CADPS: variants seen among roughly 807,000 people sequenced by gnomAD.
CADPS encodes calcium dependent secretion activator.
CADPS carries 57 observed loss-of-function variants against 167.3 expected under a neutral mutation model. The ratio of observed to expected loss-of-function variants is 0.34; its 90% CI spans 0.28 to 0.42. CADPS has a LOEUF of 0.42. CADPS is among the 20% of genes least tolerant of loss of function. The pLI is 1.00. For synonymous variants in CADPS, 676 were observed against 635.3 expected, an observed-to-expected ratio of 1.06 and a Z score of -0.96; for missense variants, 1,414 against 1,738.1, an observed-to-expected ratio of 0.81 and a Z score of 3.32.
intron 3 of CADPS, among the ~76,000 whole-genome samples, chr3:62,736,921 G>T (rs1055250524): frequency 2.0e-5 from 3 of 151,894 alleles, no homozygotes; most frequent in African/African-American, 7.3e-5. Context: ...GGTTAATTGC[G>T]AGGTTAGGAG....
chr3:62,586,710 T>C (rs2084721156), intron 7 of CADPS, among the ~76,000 whole-genome samples: 1 of 152,214 alleles, frequency 6.6e-6, no homozygotes, highest in Non-Finnish European at 1.5e-5. Context: ...GAACAGAGGC[T>C]GTCAATGTTT....
Position 62,650,874 on chromosome 3 carries a change from T to C in CADPS, c.1176A>G (p.Ser392=). The C allele has an allele frequency of 6.2e-7, 1 of 1,613,970 alleles. No individual in the cohort carries two copies. The highest frequency in any genetic ancestry group is 1.7e-4 in the Middle Eastern group (1 of 6,060). ...GEESENQLSK[S]DVVLSFSLEV... ...CCAATGAGAAAGACAGCACGACATC[T>C]GACTTGGAGAGCTGGTTCTCACTCT... The change falls in exon 5 of 30, where the codon TCA becomes TCG. Residue 392 remains serine, a synonymous_variant. Coordinates refer to ENST00000383710, the MANE Select transcript of CADPS (RefSeq NM_003716.4).
rs2065267880 is a variant in CADPS, at chr3:62,499,016, G to C, written c.2706+146C>G. 9 of 538,152 alleles carry C rather than the reference G, an allele frequency of 1.7e-5. No homozygotes were observed. The South Asian group carries it at 2.8e-4, about 16-fold the overall frequency. The allele number at this position is 538,152 out of a possible 1,614,324, so 33.3% of individuals were successfully genotyped here. On this transcript the variant is annotated intron_variant, in intron 18 of 29. Transcript: ENST00000383710. Reference sequence around the variant, plus strand: ...TAAAATAACCTTCCAAAGACTTCTTGCAAAACTTCCACTTTCATTCCCTTT... The same window carrying C: ...TAAAATAACCTTCCAAAGACTTCTTCCAAAACTTCCACTTTCATTCCCTTT...
At chr3:62,688,947 A>G (rs965875271) in intron 3 of CADPS, among the ~76,000 whole-genome samples, 3 of 152,036 alleles carry the variant, frequency 2.0e-5, no homozygotes, top group Non-Finnish European at 2.9e-5. Flanking sequence ...GTTGACATTG[A>G]CAGCAATTTT....
rs2069924214 is a variant in CADPS, at chr3:62,650,835, A to G, written c.1203+12T>C. The G allele has an allele frequency of 6.2e-7, 1 of 1,607,506 alleles. No homozygotes were observed. The highest frequency in any genetic ancestry group is 8.5e-7 in the Non-Finnish European group (1 of 1,174,230). On this transcript the variant is annotated intron_variant, in intron 5 of 29. Transcript: ENST00000383710. ...TGTGCCAAGAAACTTTCAAGGGCTCAGGGCTTTTTACCTCCAATGAGAAAG... is the reference window on the plus strand; with the variant it reads ...TGTGCCAAGAAACTTTCAAGGGCTCGGGGCTTTTTACCTCCAATGAGAAAG...
rs1383043582 is a variant in CADPS at position 62,662,358 on chromosome 3, G to T, written c.925C>A (p.Arg309=). The change falls in exon 4 of 30, where the codon CGA becomes AGA. Residue 309 remains arginine (R), a synonymous_variant. Coordinates refer to ENST00000383710, the MANE Select transcript of CADPS (RefSeq NM_003716.4). ...ATTTGTAGACGTCCATCCAGCTCTCGTCTGATCTGGGCTGCTTGCTCATCT... is the reference window on the plus strand; with the variant it reads ...ATTTGTAGACGTCCATCCAGCTCTCTTCTGATCTGGGCTGCTTGCTCATCT... ...NPDEQAAQIR[R]ELDGRLQMAD... 1 of 1,613,816 alleles carries T rather than the reference G, an allele frequency of 6.2e-7. No individual in the cohort carries two copies. The highest frequency in any genetic ancestry group is 8.5e-7 in the Non-Finnish European group (1 of 1,179,906).
In CADPS at chr3:62,787,719, A is replaced by G. The variant is rs955659418; in HGVS notation, c.442-21735T>C. On this transcript the variant is annotated intron_variant, in intron 1 of 29. Coordinates refer to ENST00000383710, the MANE Select transcript of CADPS (RefSeq NM_003716.4). ...CTGCTTAAGTTTGAATTTTGAATCT[A>G]TTGTGAACTTTGGACAATAGCTTGG... is the stretch of plus-strand genomic sequence containing the variant. Among the ~76,000 whole-genome samples the G allele has an allele frequency of 2.6e-5, 4 of 152,178 alleles. No homozygotes were observed. In the South Asian group the frequency reaches 6.2e-4, roughly 24 times the overall value.
intron 26 of CADPS, among the ~76,000 whole-genome samples, chr3:62,463,655 C>T (rs1036144741): frequency 2.0e-5 from 3 of 152,220 alleles, no homozygotes; most frequent in African/African-American, 7.2e-5. Flanking sequence ...CCCCACTCTG[C>T]CCATTGCTGT....
intron 23 of CADPS, among the ~76,000 whole-genome samples, chr3:62,475,466 G>C (rs1387095440): frequency 6.6e-6 from 1 of 151,596 alleles, no homozygotes; most frequent in Non-Finnish European, 1.5e-5. Context: ...TTTTCTAACA[G>C]TGCATAGGAG....
chr3:62,817,810 G>T (rs995699937), intron 1 of CADPS, among the ~76,000 whole-genome samples: 4 of 152,134 alleles, frequency 2.6e-5, no homozygotes, highest in Admixed American at 1.3e-4. Flanking sequence ...TTAACACAAG[G>T]TTCAAGTAGT....
At chr3:62,728,030 T>C (rs1487125170) in intron 3 of CADPS, among the ~76,000 whole-genome samples, 1 of 151,888 alleles carries the variant, frequency 6.6e-6, no homozygotes, top group East Asian at 1.9e-4. Flanking sequence ...TTTATAACTC[T>C]ACAAGGCCAA....
intron 3 of CADPS, among the ~76,000 whole-genome samples, chr3:62,710,860 CTTA>C (rs10574989): frequency 0.16 from 24,665 of 152,056 alleles, 2,463 homozygotes; most frequent in African/African-American, 0.29. Context: ...CTAACCGGAG[CTTA>C]TTATCGCTGC....
At position 62,620,381 on chromosome 3, in the gene CADPS, A is replaced by T. The variant is rs549310010; in HGVS notation, c.1325+25341T>A. Among the ~76,000 whole-genome samples the T allele has an allele frequency of 1.2e-4, 19 of 152,328 alleles. No homozygotes were observed. The South Asian group carries it at 3.9e-3, about 32-fold the overall frequency. On this transcript the variant is annotated intron_variant, in intron 6 of 29. Coordinates refer to ENST00000383710, the MANE Select transcript of CADPS (RefSeq NM_003716.4). ...TTACTCCCATCTTACAGATGAAGAC[A>T]TTGAAATTTAGAGTCTCTAAGTAAC...
At chr3:62,793,781 G>A (rs1400726113) in intron 1 of CADPS, among the ~76,000 whole-genome samples, 8 of 152,170 alleles carry the variant, frequency 5.3e-5, no homozygotes, top group Admixed American at 2.0e-4. Context: ...GTGTACGTGC[G>A]TGCACATGTG....
In CADPS at chr3:62,446,569, G is replaced by A. The variant is rs1412991005; in HGVS notation, c.3637-772C>T. On this transcript the variant is annotated intron_variant, in intron 26 of 29. Transcript: ENST00000383710. The surrounding 1 kb of genome is among the most constrained non-coding windows in gnomAD (Gnocchi z 4.9). ...TCTGTTACCTCATCTGCAAAATGGA[G>A]TTATTATTAGTAATAGTGCTTATTT... Among the ~76,000 whole-genome samples, 5 of 152,142 alleles carry A rather than the reference G, an allele frequency of 3.3e-5. No individual in the cohort carries two copies. Among genetic ancestry groups the A allele is most frequent in the African/African-American group, 4.8e-5 (2 of 41,426 alleles).
chr3:62,608,426 G>T (rs1336462843), intron 6 of CADPS, among the ~76,000 whole-genome samples: 1 of 151,836 alleles, frequency 6.6e-6, no homozygotes, highest in Admixed American at 6.6e-5. Context: ...GGGACCACAG[G>T]CATGTGCCAC....
At chr3:62,531,281 A>G (rs551506484) in intron 13 of CADPS, among the ~76,000 whole-genome samples, 6 of 152,224 alleles carry the variant, frequency 3.9e-5, no homozygotes, top group African/African-American at 1.4e-4. Context: ...ACAGATAGTC[A>G]TCAAAGTGTA....
At chr3:62,468,286 G>A (rs1430136673) in intron 24 of CADPS, among the ~76,000 whole-genome samples, 4 of 152,120 alleles carry the variant, frequency 2.6e-5, no homozygotes, top group South Asian at 2.1e-4. Context: ...TGCCTCACTC[G>A]TCTAGGTTTT....
intron 13 of CADPS, among the ~76,000 whole-genome samples, chr3:62,521,898 AG>A (rs1214523335): frequency 3.3e-5 from 5 of 152,148 alleles, no homozygotes; most frequent in Non-Finnish European, 7.3e-5. Context: ...TCCATATCTA[AG>A]CTGGACTATG....
Sources: allele counts gnomAD v4.1 joint callset (sites outside exome capture counted in the v4.1 genomes callset), GRCh38; gene constraint gnomAD v4.1.1; non-coding constraint Gnocchi (gnomAD v3.1); transcripts MANE v1.5; gene names NCBI Gene and HGNC (gene_info 2026-07-23, HGNC 2026-07-21).